Variants in ECD observed in about 807,000 individuals in gnomAD.
The protein encoded by ECD is ecdysoneless cell cycle regulator.
Under a neutral mutation model 77.2 loss-of-function variants are expected in ECD, and 59 were observed. The observed-to-expected ratio is 0.76, with a 90% CI of 0.62 to 0.95. The LOEUF (loss-of-function observed/expected upper bound fraction) is 0.95, where lower values mean the gene tolerates loss of function less well. Among genes scored for constraint, ECD ranks in the 40% least tolerant of loss-of-function variants. The pLI, the probability that ECD is intolerant of heterozygous loss-of-function variation, is 0.00. For synonymous variants in ECD, 233 were observed against 267.4 expected (o/e 0.87, Z 1.26); for missense variants, 704 against 763.4 (o/e 0.92, Z 0.92).
chr10:73,156,767 G>A, intron 3 of ECD, 112 bp from the exon 4 acceptor site: 2 of 1,026,432 alleles, frequency 1.9e-6, no homozygotes, highest in East Asian at 4.8e-5. Context: ...ATTTGAGTAT[G>A]TACTATGTGC....
intron 13 of ECD, among the ~76,000 whole-genome samples, chr10:73,135,961 A>G (rs1276330039): frequency 2.6e-5 from 4 of 152,192 alleles, no homozygotes; most frequent in African/African-American, 9.6e-5. Context: ...TGATCAAAGC[A>G]AGGAGAATTA....
At position 73,139,101 on chromosome 10, in the gene ECD, T is replaced by C. The variant is rs577558842; in HGVS notation, c.1421+208A>G. ...GGATGATGGTTTTTAGGGTGATCTT[T>C]CTGGCTTATTTCAAGGATTGCAAAG... On this transcript the variant is annotated intron_variant, in intron 11 of 13. Coordinates refer to ENST00000372979, the MANE Select transcript of ECD (RefSeq NM_007265.3). 2.0e-5 allele frequency among the ~76,000 whole-genome samples: 3 copies of C among 152,204 alleles called. No individual in the cohort carries two copies. In the South Asian group the frequency reaches 6.2e-4, roughly 32 times the overall value.
intron 9 of ECD, among the ~76,000 whole-genome samples, chr10:73,142,107 C>T (rs1843065049): frequency 1.3e-5 from 2 of 152,020 alleles, no homozygotes; most frequent in Admixed American, 6.6e-5. Context: ...AGCCACTGTG[C>T]CTGGCTATTT....
chr10:73,160,486 TA>T lies in ECD; in HGVS notation c.270del (p.Phe90LeufsTer5). The T allele has an allele frequency of 6.2e-7, 1 of 1,612,070 alleles. No homozygotes were observed. ...GTGATCTGCTTTATTACATAAACAA[TA>T]AACCATTCATCCTCAATGTTATCCC... is the stretch of plus-strand genomic sequence containing the variant. ...KFGDNIEDEW[F>X]IVYVIKQITK... On this transcript the variant is annotated frameshift_variant, in exon 3 of 14. Coordinates refer to ENST00000372979, the MANE Select transcript of ECD (RefSeq NM_007265.3). LOFTEE classifies it high-confidence loss of function.
At chr10:73,138,678 T>C (rs983856602) in intron 11 of ECD, among the ~76,000 whole-genome samples, 1 of 152,144 alleles carries the variant, frequency 6.6e-6, no homozygotes, top group Non-Finnish European at 1.5e-5. Flanking sequence ...GCGATTCTCC[T>C]GCCTCAGCCT....
Position 73,148,400 on chromosome 10 carries a change from T to C in ECD, c.917A>G (p.His306Arg). 4 of 1,611,224 alleles carry C rather than the reference T, an allele frequency of 2.5e-6. No homozygotes were observed. The highest frequency in any genetic ancestry group is 3.4e-6 in the Non-Finnish European group (4 of 1,178,912). Residue 306 changes from histidine to arginine, a missense_variant, in exon 8 of 14, where the codon CAT (histidine) becomes CGT (arginine). Transcript: ENST00000372979. Reference sequence around the variant, plus strand: ...TTTGGAGCATAAGATCTCAAATCCATGAGCCTAGATGAGATAGGTAGAATT... The same window carrying C: ...TTTGGAGCATAAGATCTCAAATCCACGAGCCTAGATGAGATAGGTAGAATT... ...RAHELGMKLA[H>R]GFEILCSKCS...
intron 13 of ECD, among the ~76,000 whole-genome samples, chr10:73,135,399 TC>T (rs1173195995): frequency 6.6e-6 from 1 of 151,888 alleles, no homozygotes; most frequent in African/African-American, 2.4e-5. Flanking sequence ...AGCAGCAGAG[TC>T]TCCATCGCTT....
At chr10:73,152,159 A>G (rs560708301) in intron 7 of ECD, 134 bp downstream of exon 7, 2 of 1,120,482 alleles carry the variant, frequency 1.8e-6, no homozygotes, top group East Asian at 5.3e-5. Context: ...TTTTCATTCT[A>G]ATTTGAAATG....
chr10:73,154,189 A>C (rs1371304217), intron 6 of ECD, 67 bp downstream of exon 6: 88 of 1,467,408 alleles, frequency 6.0e-5, no homozygotes, highest in Non-Finnish European at 7.9e-5. Context: ...TGTAAAAAGA[A>C]AAAAATAATA....
intron 11 of ECD, among the ~76,000 whole-genome samples, chr10:73,138,863 C>T (rs1230658318): frequency 6.6e-6 from 1 of 152,216 alleles, no homozygotes; most frequent in Non-Finnish European, 1.5e-5. Context: ...CCGCGCCCAG[C>T]CTACAAGTAA....
chr10:73,154,865 C>G (rs1198051777), intron 5 of ECD, among the ~76,000 whole-genome samples: 1 of 151,494 alleles, frequency 6.6e-6, no homozygotes, highest in African/African-American at 2.4e-5. Flanking sequence ...ACCCGGGAGG[C>G]AGAGGTTGCA....
At position 73,148,406 on chromosome 10, in the gene ECD, T is replaced by G. The variant is rs773521140; in HGVS notation, c.913-2A>C. On this transcript the variant is annotated splice_acceptor_variant, in intron 7 of 13. Transcript: ENST00000372979. LOFTEE classifies it high-confidence loss of function. ...GCATAAGATCTCAAATCCATGAGCC[T>G]AGATGAGATAGGTAGAATTTTTGTT... is the stretch of plus-strand genomic sequence containing the variant. 6.2e-7 allele frequency: 1 copy of G among 1,609,764 alleles called. No individual in the cohort carries two copies. Among genetic ancestry groups the G allele is most frequent in the African/African-American group, 1.3e-5 (1 of 74,696 alleles).
chr10:73,134,812 T>A lies in ECD; in HGVS notation c.1706A>T (p.Glu569Val), dbSNP rs781195580. Residue 569 changes from glutamate to valine, a missense_variant and splice_region_variant, in exon 14 of 14, where the codon GAA (glutamate) becomes GTA (valine). Glu to Val is a moderately radical substitution (Grantham distance 121). This residue lies in a region of ECD where 142 missense variants were observed against 163.6 expected (regional missense o/e 0.87). Transcript: ENST00000372979. ...SKSFTTRNQV[E>V]PVSQTTDNNS... ...GTTATCGGTAGTCTGGGATACAGGT[T>A]CCTTATTCATAGAGGGAAAAGAAAA... 1.2e-6 allele frequency: 2 copies of A among 1,613,632 alleles called. No homozygotes were observed. Among genetic ancestry groups the A allele is most frequent in the Non-Finnish European group, 1.7e-6 (2 of 1,179,634 alleles).
intron 2 of ECD, among the ~76,000 whole-genome samples, chr10:73,162,872 C>T (rs1329605243): frequency 6.6e-6 from 1 of 152,214 alleles, no homozygotes; most frequent in Non-Finnish European, 1.5e-5. Flanking sequence ...AGCCATCATG[C>T]CTAGCAGAGG....
chr10:73,143,023 T>C (rs1843078433), intron 9 of ECD, among the ~76,000 whole-genome samples: 1 of 152,300 alleles, frequency 6.6e-6, no homozygotes, highest in African/African-American at 2.4e-5. Context: ...TTGCGGTCTT[T>C]CTCCTACATT....
intron 2 of ECD, among the ~76,000 whole-genome samples, chr10:73,163,366 A>T (rs1310101634): frequency 6.6e-6 from 1 of 152,164 alleles, no homozygotes; most frequent in Admixed American, 6.5e-5. Flanking sequence ...ACATCACCAA[A>T]ATAAGGAATC....
intron 7 of ECD, among the ~76,000 whole-genome samples, chr10:73,149,646 C>T (rs1843177060): frequency 6.6e-6 from 1 of 152,158 alleles, no homozygotes; most frequent in Non-Finnish European, 1.5e-5. Context: ...GTAGGCTAGG[C>T]TAAGCTATGA....
At position 73,156,375 on chromosome 10, in the gene ECD, G is replaced by A; in HGVS notation, c.490C>T (p.Pro164Ser). ...SGAESWLPTT[P>S]PTIPQALNII... ...TTCAATGCTTGTGGAATTGTTGGGG[G>A]TGTGGTGGGTAACCAAGATTCTGCT... is the stretch of plus-strand genomic sequence containing the variant. The change falls in exon 5 of 14, where the codon CCC becomes TCC. Residue 164 changes from proline to serine, a missense_variant. Physicochemically the swap from Pro to Ser is moderately conservative, Grantham distance 74 (BLOSUM62 -1). Transcript: ENST00000372979. The A allele has an allele frequency of 6.2e-7, 1 of 1,613,674 alleles. No homozygotes were observed. The highest frequency in any genetic ancestry group is 1.1e-5 in the South Asian group (1 of 90,924).
rs1203438643 is a variant in ECD at position 73,136,704 on chromosome 10, C to T, written c.1704G>A (p.Val568=). 2 of 1,613,068 alleles carry T rather than the reference C, an allele frequency of 1.2e-6. No individual in the cohort carries two copies. The highest frequency in any genetic ancestry group is 2.2e-5 in the East Asian group (1 of 44,766). Residue 568 remains valine (V), a splice_region_variant and synonymous_variant, in exon 13 of 14, where the codon GTG becomes GTA. Transcript: ENST00000372979. ...AGAAAGAGGTTAAAAACACACATAC[C>T]ACTTGGTTCCTAGTGGTGAAACTTT... The part of the protein sequence containing the change: ...ISKSFTTRNQ[V]EPVSQTTDNN...
Sources: allele counts gnomAD v4.1 joint callset (sites outside exome capture counted in the v4.1 genomes callset), GRCh38; gene constraint gnomAD v4.1.1; regional missense constraint gnomAD v4.1.1; transcripts MANE v1.5; gene names NCBI Gene and HGNC (gene_info 2026-07-23, HGNC 2026-07-21).